Variants in PRKDC observed in about 807,000 individuals in gnomAD.
PRKDC encodes protein kinase, DNA-activated, catalytic subunit.
In PRKDC, 82 loss-of-function variants were observed where a neutral mutation model predicts 486.9. The observed-to-expected ratio is 0.17, with a 90% CI of 0.14 to 0.20. The LOEUF (loss-of-function observed/expected upper bound fraction) is 0.20. Ranked by LOEUF, PRKDC falls within the 10% of genes least tolerant of loss-of-function variation. The pLI, the probability that PRKDC is intolerant of heterozygous loss-of-function variation, is 1.00. For synonymous variants in PRKDC, 1,895 were observed against 1,837.0 expected (o/e 1.03, Z -0.81); for missense variants, 4,504 against 5,038.2 (o/e 0.89, Z 3.21).
At chr8:47,786,113 T>C (rs1200960952) in intron 76 of PRKDC, among the ~76,000 whole-genome samples, 20 of 137,062 alleles carry the variant, frequency 1.5e-4, no homozygotes, top group Non-Finnish European at 1.3e-4. Context: ...CTCAAATAAA[T>C]AAATAAATGA....
intron 24 of PRKDC, among the ~76,000 whole-genome samples, chr8:47,913,262 T>C (rs1449049877): frequency 1.3e-5 from 2 of 152,240 alleles, no homozygotes; most frequent in Admixed American, 1.3e-4. Context: ...TATGCCTGTA[T>C]GAAAATTTGA....
chr8:47,813,668 C>G (rs183149830), intron 68 of PRKDC, among the ~76,000 whole-genome samples: 1 of 151,882 alleles, frequency 6.6e-6, no homozygotes, highest in Non-Finnish European at 1.5e-5. Flanking sequence ...CTCTGCCTCC[C>G]GGGTTCAAGC....
intron 17 of PRKDC, 49 bp downstream of exon 17, chr8:47,930,623 T>C: frequency 6.7e-7 from 1 of 1,497,702 alleles, no homozygotes; most frequent in Non-Finnish European, 9.0e-7. Flanking sequence ...TTACAGCCAA[T>C]AACTAACAAT....
intron 69 of PRKDC, among the ~76,000 whole-genome samples, chr8:47,804,864 C>T (rs1190869276): frequency 3.3e-5 from 5 of 152,088 alleles, no homozygotes; most frequent in Non-Finnish European, 4.4e-5. Flanking sequence ...CAGGTTCAAG[C>T]GATTCTCCTG....
intron 4 of PRKDC, among the ~76,000 whole-genome samples, chr8:47,954,937 C>A (rs189111016): frequency 6.6e-6 from 1 of 152,034 alleles, no homozygotes; most frequent in South Asian, 2.1e-4. Flanking sequence ...AGGCGGATTA[C>A]GAGGTCAGGA....
chr8:47,783,853 ACC>A, intron 77 of PRKDC, 44 bp from the exon 78 acceptor site: 2 of 1,578,532 alleles, frequency 1.3e-6, no homozygotes, highest in Non-Finnish European at 1.7e-6. Flanking sequence ...TTGTTAGACA[ACC>A]GCCTGTATTT....
chr8:47,835,592 A>G, intron 58 of PRKDC, among the ~76,000 whole-genome samples: 1 of 128,230 alleles, frequency 7.8e-6, no homozygotes, highest in East Asian at 2.6e-4. Flanking sequence ...CTCCAGCTCC[A>G]GCCTGGTGAC....
chr8:47,832,077 C>T (rs1451890274), intron 59 of PRKDC, among the ~76,000 whole-genome samples, 151 bp from the exon 60 acceptor site: 1 of 152,228 alleles, frequency 6.6e-6, no homozygotes, highest in African/African-American at 2.4e-5. Context: ...ACAGCTGCAA[C>T]TGGAACTGCT....
rs192072698 is a variant in PRKDC at position 47,799,962 on chromosome 8, C to T, written c.10117-572G>A. 6.6e-4 allele frequency among the ~76,000 whole-genome samples: 101 copies of T among 152,162 alleles called. 2 individuals carry two copies. Among genetic ancestry groups the T allele is most frequent in the African/African-American group, 2.1e-3 (88 of 41,526 alleles). On this transcript the variant is annotated intron_variant, in intron 71 of 85. Transcript: ENST00000314191. ...TTAATTAACAAAAGTCATAAAAGAA[C>T]GGTCTACAGTTCTTTTAATTCAAAA...
chr8:47,803,331 A>C lies in PRKDC; in HGVS notation c.9897T>G (p.Thr3299=). 1 of 1,612,904 alleles carries C rather than the reference A, an allele frequency of 6.2e-7. No homozygotes were observed. Among genetic ancestry groups the C allele is most frequent in the South Asian group, 1.1e-5 (1 of 90,882 alleles). Reference sequence around the variant, plus strand: ...CCAACAAAGAGACTGTTTTCAGCACAGTGAGCACCTGCTCAGAGCAGCCCT... The same window carrying C: ...CCAACAAAGAGACTGTTTTCAGCACCGTGAGCACCTGCTCAGAGCAGCCCT... ...RSQGCSEQVL[T]VLKTVSLLDE... The change falls in exon 70 of 86, where the codon ACT becomes ACG. Residue 3299 remains threonine (T), a synonymous_variant. Coordinates refer to ENST00000314191, the MANE Select transcript of PRKDC (RefSeq NM_006904.7).
chr8:47,866,717 T>G (rs1030723353), intron 40 of PRKDC, among the ~76,000 whole-genome samples: 6 of 152,082 alleles, frequency 3.9e-5, no homozygotes, highest in Non-Finnish European at 1.5e-5. Flanking sequence ...ACAGATACAC[T>G]AGTATATTAC....
Position 47,832,063 on chromosome 8 carries a change from G to A in PRKDC, c.8153-137C>T, listed in dbSNP as rs141915027. 1.6e-3 allele frequency: 1,118 copies of A among 701,264 alleles called. 14 individuals carry two copies. The East Asian group carries it at 0.025, about 15-fold the overall frequency. The allele number at this position is 701,264 out of a possible 1,614,324, so 43.4% of individuals were successfully genotyped here. ...CAGCGACCGGGAGCAGGAGTGCAGG[G>A]GCCACAGCTGCAACTGGAACTGCTC... On this transcript the variant is annotated intron_variant, in intron 59 of 85. Transcript: ENST00000314191.
At chr8:47,925,938 A>C (rs2090150395) in intron 21 of PRKDC, among the ~76,000 whole-genome samples, 1 of 152,210 alleles carries the variant, frequency 6.6e-6, no homozygotes, top group Non-Finnish European at 1.5e-5. Flanking sequence ...TTCTGTCTCT[A>C]ACATGATAGA....
At chr8:47,947,532 G>A (rs1367070709) in intron 7 of PRKDC, among the ~76,000 whole-genome samples, 1 of 152,220 alleles carries the variant, frequency 6.6e-6, no homozygotes, top group African/African-American at 2.4e-5. Flanking sequence ...CTTTGGGAGG[G>A]TAAGGCGGGT....
intron 51 of PRKDC, 39 bp from the exon 52 acceptor site, chr8:47,852,823 C>G: frequency 7.8e-7 from 1 of 1,279,594 alleles, no homozygotes; most frequent in Non-Finnish European, 1.1e-6. Flanking sequence ...ATCAAATAAA[C>G]CATTCTGTTG....
intron 52 of PRKDC, 111 bp downstream of exon 52, chr8:47,852,562 T>C (rs2088433008): frequency 3.5e-6 from 2 of 574,354 alleles, no homozygotes; most frequent in East Asian, 6.0e-5. Flanking sequence ...TAAATGCAGA[T>C]GCCCATTTTG....
intron 55 of PRKDC, 65 bp downstream of exon 55, chr8:47,839,951 T>C: frequency 7.6e-7 from 1 of 1,319,172 alleles, no homozygotes; most frequent in Admixed American, 2.5e-5. Flanking sequence ...TACTCCAGCC[T>C]CGTCGACAGA....
At chr8:47,798,760 C>T (rs1020789092) in intron 72 of PRKDC, among the ~76,000 whole-genome samples, 4 of 151,954 alleles carry the variant, frequency 2.6e-5, no homozygotes, top group African/African-American at 7.2e-5. Flanking sequence ...AACAGAGGAC[C>T]ACTTGACTCC....
intron 15 of PRKDC, 25 bp from the exon 16 acceptor site, chr8:47,933,197 CT>C: frequency 6.9e-7 from 1 of 1,442,772 alleles, no homozygotes; most frequent in South Asian, 1.4e-5. Flanking sequence ...AAACAATAAA[CT>C]TCAAAATCTT....
Sources: gnomAD v4.1 joint callset for allele counts (sites outside exome capture counted in the v4.1 genomes callset) on GRCh38, gnomAD v4.1.1 for gene constraint, MANE v1.5 for transcripts, NCBI Gene and HGNC (gene_info 2026-07-23, HGNC 2026-07-21) for gene names.